The following SH3RF3 variants were observed in gnomAD, a reference collection of about 807,000 sequenced individuals.
The protein encoded by SH3RF3 is SH3 domain containing ring finger 3, also known as E3 ubiquitin-protein ligase SH3RF3.
Under a neutral mutation model 66.3 loss-of-function variants are expected in SH3RF3, and 29 were observed. The ratio of observed to expected loss-of-function variants is 0.44; its 90% CI spans 0.33 to 0.60. The LOEUF (loss-of-function observed/expected upper bound fraction) is 0.60, where lower values mean the gene tolerates loss of function less well. Ranked by LOEUF, SH3RF3 falls within the 20% of genes least tolerant of loss-of-function variation. The probability of loss-of-function intolerance (pLI) is 0.04; values close to 1 mark genes in which losing one functional copy is unlikely to be tolerated. For synonymous variants in SH3RF3, 583 were observed against 532.0 expected (o/e 1.10, Z -1.32); for missense variants, 1,194 against 1,190.9 (o/e 1.00, Z -0.04).
At chr2:109,165,225 G>T (rs940351276) in intron 1 of SH3RF3, among the ~76,000 whole-genome samples, 1 of 152,136 alleles carries the variant, frequency 6.6e-6, no homozygotes, top group Admixed American at 6.5e-5. Context: ...ATCCTGCAAA[G>T]AAGTCTTTAC....
chr2:109,250,786 T>G (rs1332666373), intron 1 of SH3RF3, among the ~76,000 whole-genome samples: 1 of 151,902 alleles, frequency 6.6e-6, no homozygotes, highest in Non-Finnish European at 1.5e-5. Context: ...AAAAAGTGCT[T>G]CAATAGGGAA....
At chr2:109,194,277 C>T (rs1678440885) in intron 1 of SH3RF3, among the ~76,000 whole-genome samples, 1 of 152,354 alleles carries the variant, frequency 6.6e-6, no homozygotes, top group South Asian at 2.1e-4. Context: ...AACACAGATG[C>T]CGGTCTTGTG....
chr2:109,287,824 C>T (rs1681065751), intron 1 of SH3RF3, among the ~76,000 whole-genome samples: 1 of 152,334 alleles, frequency 6.6e-6, no homozygotes, highest in South Asian at 2.1e-4. Flanking sequence ...GGGCGCTGCA[C>T]TCTCCTGTGT....
At chr2:109,393,422 C>T (rs574643213) in intron 3 of SH3RF3, among the ~76,000 whole-genome samples, 4 of 152,342 alleles carry the variant, frequency 2.6e-5, no homozygotes, top group South Asian at 4.1e-4. Flanking sequence ...CAGCCCACAC[C>T]TATTGAGCCG....
At chr2:109,178,978 A>G (rs1367341251) in intron 1 of SH3RF3, among the ~76,000 whole-genome samples, 1 of 150,410 alleles carries the variant, frequency 6.6e-6, no homozygotes, top group African/African-American at 2.5e-5. Context: ...TGGGGGAAAT[A>G]CTTTTTTTCT....
At chr2:109,410,522 G>A (rs1676560397) in intron 4 of SH3RF3, among the ~76,000 whole-genome samples, 1 of 152,204 alleles carries the variant, frequency 6.6e-6, no homozygotes. Flanking sequence ...CCTACCTGTA[G>A]CCCTGCCAGC....
At chr2:109,172,779 G>A (rs1469255846) in intron 1 of SH3RF3, among the ~76,000 whole-genome samples, 1 of 152,258 alleles carries the variant, frequency 6.6e-6, no homozygotes, top group African/African-American at 2.4e-5. Flanking sequence ...CAAACTGCAT[G>A]TGGGTTACGG....
At chr2:109,352,294 A>G (rs1472506314) in intron 2 of SH3RF3, among the ~76,000 whole-genome samples, 1 of 152,228 alleles carries the variant, frequency 6.6e-6, no homozygotes, top group Non-Finnish European at 1.5e-5. Context: ...CTCGCAGGAA[A>G]GTAAGCCTCC....
intron 1 of SH3RF3, among the ~76,000 whole-genome samples, chr2:109,222,951 A>G (rs1679288966): frequency 6.6e-6 from 1 of 152,230 alleles, no homozygotes; most frequent in African/African-American, 2.4e-5. Flanking sequence ...GCCTGGGGCT[A>G]CGGTCCCCAT....
chr2:109,489,950 C>A (rs548632169), intron 8 of SH3RF3, among the ~76,000 whole-genome samples: 12 of 152,312 alleles, frequency 7.9e-5, no homozygotes, highest in African/African-American at 2.6e-4. Flanking sequence ...GTTGGCCAGG[C>A]TGGTCTCGAA....
chr2:109,258,869 T>G (rs1021979962), intron 1 of SH3RF3, among the ~76,000 whole-genome samples: 2 of 152,188 alleles, frequency 1.3e-5, no homozygotes, highest in Non-Finnish European at 2.9e-5. Flanking sequence ...GTGCTGGATT[T>G]GACGAGAACA....
intron 1 of SH3RF3, among the ~76,000 whole-genome samples, chr2:109,164,042 T>C (rs1677557659): frequency 6.6e-6 from 1 of 152,320 alleles, no homozygotes; most frequent in African/African-American, 2.4e-5. Context: ...ATGATTTTTG[T>C]ATTTATAAAT....
At chr2:109,257,799 G>C (rs1367586486) in intron 1 of SH3RF3, among the ~76,000 whole-genome samples, 1 of 152,158 alleles carries the variant, frequency 6.6e-6, no homozygotes, top group African/African-American at 2.4e-5. Context: ...TTACGGACAG[G>C]AGACAGCCAG....
chr2:109,287,632 G>A (rs1204161699), intron 1 of SH3RF3, among the ~76,000 whole-genome samples: 2 of 152,142 alleles, frequency 1.3e-5, no homozygotes, highest in Non-Finnish European at 2.9e-5. Context: ...CCAATGGGAG[G>A]CGGGAGGGGA....
At chr2:109,249,503 TTCTTTCATTC>T (rs1336196339) in intron 1 of SH3RF3, among the ~76,000 whole-genome samples, 1 of 31,454 alleles carries the variant, frequency 3.2e-5, no homozygotes, top group Non-Finnish European at 5.4e-5. Flanking sequence ...CTTTCTTTCT[TTCTTTCATTC>T]TTTCTTTTTC....
chr2:109,177,430 AC>A (rs1049196863), intron 1 of SH3RF3, among the ~76,000 whole-genome samples: 3 of 152,122 alleles, frequency 2.0e-5, no homozygotes, highest in Admixed American at 2.0e-4. Context: ...GATTTTTTAG[AC>A]TTGGGGCCTG....
chr2:109,420,924 A>C (rs1204556255), intron 5 of SH3RF3, among the ~76,000 whole-genome samples: 1 of 152,138 alleles, frequency 6.6e-6, no homozygotes, highest in Non-Finnish European at 1.5e-5. Flanking sequence ...TAATTAACCA[A>C]TGTAATGAAA....
At chr2:109,253,020 CT>C (rs1170230845) in intron 1 of SH3RF3, among the ~76,000 whole-genome samples, 2 of 151,344 alleles carry the variant, frequency 1.3e-5, no homozygotes, top group Admixed American at 6.6e-5. Flanking sequence ...GTAGCCTTTA[CT>C]TTTTTTTTCT....
rs902404931 is a variant in SH3RF3, at chr2:109,423,001, G to C, written c.1403+3359G>C. ...ACGTACCTGCAATCTGAGAGCAACG[G>C]AACTCTTGGCACAGAGCCTTGGTCT... On this transcript the variant is annotated intron_variant, in intron 5 of 9. Coordinates refer to ENST00000309415, the MANE Select transcript of SH3RF3 (RefSeq NM_001099289.3). 2.0e-5 allele frequency among the ~76,000 whole-genome samples: 3 copies of C among 152,166 alleles called. No individual in the cohort carries two copies. The East Asian group carries it at 5.8e-4, about 29-fold the overall frequency.
Sources: allele counts gnomAD v4.1 joint callset (sites outside exome capture counted in the v4.1 genomes callset), GRCh38; gene constraint gnomAD v4.1.1; transcripts MANE v1.5; gene names NCBI Gene and HGNC (gene_info 2026-07-23, HGNC 2026-07-21).